The following ZNF148 variants were observed in gnomAD, a reference collection of about 807,000 sequenced individuals.
ZNF148 encodes the protein Beta-Enolase Repressor Factor-1.
A neutral mutation model predicts 67.7 loss-of-function variants in ZNF148; 7 were observed. The ratio of observed to expected loss-of-function variants is 0.10; its 90% CI spans 0.06 to 0.19. The LOEUF (loss-of-function observed/expected upper bound fraction) is 0.19, where lower values mean the gene tolerates loss of function less well. ZNF148 is among the 10% of genes least tolerant of loss of function. The pLI, the probability that ZNF148 is intolerant of heterozygous loss-of-function variation, is 1.00. For synonymous variants in ZNF148, 333 were observed against 330.7 expected (o/e 1.01, Z -0.08); for missense variants, 583 against 947.1 (o/e 0.62, Z 5.05).
intron 1 of ZNF148, chr3:125,344,618 C>T (rs1014183288): frequency 2.7e-6 from 2 of 734,598 alleles, no homozygotes; most frequent in Non-Finnish European, 5.0e-6. Flanking sequence ...ATAGATGTAC[C>T]ATCTTTTAGC....
intron 3 of ZNF148, among the ~76,000 whole-genome samples, chr3:125,322,027 CTT>C (rs35879999): frequency 1.2e-5 from 1 of 82,924 alleles, no homozygotes; most frequent in African/African-American, 4.9e-5. Flanking sequence ...TAATCAACGG[CTT>C]TTTTTTTTTT....
chr3:125,288,687 C>T (rs1220600875), intron 4 of ZNF148, among the ~76,000 whole-genome samples: 2 of 152,090 alleles, frequency 1.3e-5, no homozygotes, highest in Admixed American at 6.6e-5. Flanking sequence ...GTAAACCACA[C>T]AAATTCTAAA....
At chr3:125,317,703 A>AT (rs1940585071) in intron 3 of ZNF148, among the ~76,000 whole-genome samples, 3 of 100,762 alleles carry the variant, frequency 3.0e-5, no homozygotes, top group Admixed American at 9.5e-5. Flanking sequence ...ACACACATAT[A>AT]TATATATATA....
At chr3:125,284,093 T>C (rs1470456701) in intron 5 of ZNF148, among the ~76,000 whole-genome samples, 1 of 152,168 alleles carries the variant, frequency 6.6e-6, no homozygotes, top group East Asian at 1.9e-4. Flanking sequence ...CTCTCTCTCA[T>C]TCAGTTACTA....
chr3:125,276,756 G>A (rs1938098957), intron 7 of ZNF148, among the ~76,000 whole-genome samples: 1 of 151,960 alleles, frequency 6.6e-6, no homozygotes, highest in East Asian at 1.9e-4. Flanking sequence ...TATTTAAGCA[G>A]ACCAGACACA....
At chr3:125,363,445 T>C (rs748348217) in intron 1 of ZNF148, among the ~76,000 whole-genome samples, 117 of 152,140 alleles carry the variant, frequency 7.7e-4, no homozygotes, top group Non-Finnish European at 1.4e-3. Flanking sequence ...TTCTGCTAAG[T>C]GATCTAATAA....
intron 1 of ZNF148, among the ~76,000 whole-genome samples, chr3:125,339,399 A>C (rs1579844364): frequency 6.6e-6 from 1 of 152,360 alleles, no homozygotes. Context: ...AATAGTTGAA[A>C]CATCTTAAGT....
intron 4 of ZNF148, among the ~76,000 whole-genome samples, chr3:125,293,210 C>T (rs1485537859): frequency 5.9e-5 from 9 of 152,096 alleles, no homozygotes; most frequent in Non-Finnish European, 1.3e-4. Context: ...AGGGACCCCA[C>T]GGCCAGAACA....
intron 7 of ZNF148, among the ~76,000 whole-genome samples, chr3:125,242,017 C>T (rs958894916): frequency 1.3e-5 from 2 of 152,128 alleles, no homozygotes; most frequent in African/African-American, 4.8e-5. Flanking sequence ...ACTGTCTGCT[C>T]GTATCTTCCA....
chr3:125,365,065 C>T (rs1942660700), intron 1 of ZNF148, among the ~76,000 whole-genome samples: 1 of 152,186 alleles, frequency 6.6e-6, no homozygotes, highest in Non-Finnish European at 1.5e-5. Context: ...ACAAAGCCAA[C>T]CTTGAACAAA....
At chr3:125,312,211 C>T (rs1940251334) in intron 4 of ZNF148, among the ~76,000 whole-genome samples, 1 of 152,170 alleles carries the variant, frequency 6.6e-6, no homozygotes, top group African/African-American at 2.4e-5. Flanking sequence ...AATCCAACCA[C>T]ATCTAAAAAG....
chr3:125,239,977 G>A (rs1019334035), intron 7 of ZNF148, among the ~76,000 whole-genome samples: 1 of 152,114 alleles, frequency 6.6e-6, no homozygotes, highest in Admixed American at 6.6e-5. Context: ...CTTCTGGGGG[G>A]TGACAAAAAT....
At chr3:125,279,792 C>T (rs888432339) in intron 5 of ZNF148, among the ~76,000 whole-genome samples, 3 of 150,258 alleles carry the variant, frequency 2.0e-5, no homozygotes, top group Non-Finnish European at 4.4e-5. Context: ...TATAGTTTTG[C>T]TAACTTTTGT....
At chr3:125,361,780 C>T (rs903563350) in intron 1 of ZNF148, among the ~76,000 whole-genome samples, 2 of 151,756 alleles carry the variant, frequency 1.3e-5, no homozygotes, top group Non-Finnish European at 2.9e-5. Context: ...CTGCAGTGAG[C>T]CAAGATTATG....
At chr3:125,272,221 C>T (rs1305614986) in intron 7 of ZNF148, among the ~76,000 whole-genome samples, 1 of 152,238 alleles carries the variant, frequency 6.6e-6, no homozygotes, top group African/African-American at 2.4e-5. Flanking sequence ...AGGTTGTCTG[C>T]ACCATTGTGT....
Position 125,232,234 on chromosome 3 carries a change from T to C in ZNF148, c.*107A>G. 1.6e-6 allele frequency: 2 copies of C among 1,288,130 alleles called. No homozygotes were observed. The highest frequency in any genetic ancestry group is 2.1e-6 in the Non-Finnish European group (2 of 963,364). The allele number at this position is 1,288,130 out of a possible 1,614,324, so 79.8% of individuals were successfully genotyped here. On this transcript the variant is annotated 3_prime_UTR_variant, in exon 9 of 9. Transcript: ENST00000360647. The surrounding 1 kb of genome is among the most constrained non-coding windows in gnomAD (Gnocchi z 4.2). ...CTATTCATATCAGCTTAACTTGTTA[T>C]TACGCATTGCTCTTAAATCTGTACA...
Position 125,240,956 on chromosome 3 carries a change from T to C in ZNF148, c.668-6627A>G, listed in dbSNP as rs183111071. Among the ~76,000 whole-genome samples the C allele has an allele frequency of 1.5e-3, 236 of 152,288 alleles. 6 individuals are homozygous for C. The highest frequency in any genetic ancestry group is 0.013 in the Admixed American group (195 of 15,300). On this transcript the variant is annotated intron_variant, in intron 7 of 8. Transcript: ENST00000360647. ...ATTCACCTTCCATGGTCATTTATTA[T>C]TTTTTGATTGGTTCTCATTTTTTAT...
chr3:125,282,583 A>G (rs1938449957), intron 5 of ZNF148, among the ~76,000 whole-genome samples: 1 of 152,130 alleles, frequency 6.6e-6, no homozygotes. Context: ...TTATCTGTTT[A>G]GTAAATTTAA....
chr3:125,286,240 A>C (rs1042913972), intron 5 of ZNF148, among the ~76,000 whole-genome samples: 48 of 152,180 alleles, frequency 3.2e-4, no homozygotes, highest in Admixed American at 1.9e-3. Context: ...TTAAAGCCCC[A>C]AAAAAAGAAG....
Sources: gnomAD v4.1 joint callset for allele counts (sites outside exome capture counted in the v4.1 genomes callset) on GRCh38, gnomAD v4.1.1 for gene constraint, Gnocchi (gnomAD v3.1) non-coding constraint, MANE v1.5 for transcripts, NCBI Gene and HGNC (gene_info 2026-07-23, HGNC 2026-07-21) for gene names.